The following KNL1 variants were observed in gnomAD, a reference collection of about 807,000 sequenced individuals.
The protein encoded by KNL1 is kinetochore scaffold 1, also known as outer kinetochore KNL1 complex subunit KNL1.
A neutral mutation model predicts 201.3 loss-of-function variants in KNL1; 66 were observed. That is an observed-to-expected ratio of 0.33 (90% CI 0.27 to 0.40). The LOEUF (loss-of-function observed/expected upper bound fraction) is 0.40, where lower values mean the gene tolerates loss of function less well. Among genes scored for constraint, KNL1 ranks in the 10% least tolerant of loss-of-function variants. The pLI is 1.00. For synonymous variants in KNL1, 895 were observed against 899.2 expected, an observed-to-expected ratio of 1.00 and a Z score of 0.08; for missense variants, 2,815 against 2,690.5, an observed-to-expected ratio of 1.05 and a Z score of -1.02.
At chr15:40,633,680 A>G (rs922619091) in intron 13 of KNL1, among the ~76,000 whole-genome samples, 6 of 151,962 alleles carry the variant, frequency 3.9e-5, no homozygotes, top group Non-Finnish European at 8.8e-5. Context: ...AGCTAGGATT[A>G]TATGCACAAG....
intron 9 of KNL1, among the ~76,000 whole-genome samples, chr15:40,620,438 C>G (rs1892480526): frequency 6.6e-6 from 1 of 152,194 alleles, no homozygotes; most frequent in East Asian, 1.9e-4. Context: ...GTCTCGATCT[C>G]CTGCCCTCGT....
At chr15:40,632,824 A>T (rs924138115) in intron 13 of KNL1, among the ~76,000 whole-genome samples, 1 of 152,202 alleles carries the variant, frequency 6.6e-6, no homozygotes, top group Non-Finnish European at 1.5e-5. Context: ...GTTTGAGACC[A>T]GCCTGGGCAA....
chr15:40,603,843 T>A (rs1270509269), intron 2 of KNL1, among the ~76,000 whole-genome samples: 1 of 152,248 alleles, frequency 6.6e-6, no homozygotes, highest in Non-Finnish European at 1.5e-5. Flanking sequence ...ATACCCATTT[T>A]TAATTATATG....
intron 9 of KNL1, among the ~76,000 whole-genome samples, chr15:40,619,890 C>G (rs529367215): frequency 4.6e-5 from 7 of 152,026 alleles, no homozygotes. Context: ...TTTAATTTGT[C>G]CCAAAACACT....
chr15:40,628,476 C>G, intron 11 of KNL1, 135 bp from the exon 12 acceptor site: 1 of 674,486 alleles, frequency 1.5e-6, no homozygotes, highest in East Asian at 2.7e-5. Flanking sequence ...ATATACTTTG[C>G]CCTGCTACAT....
intron 13 of KNL1, among the ~76,000 whole-genome samples, chr15:40,634,919 T>C (rs1893012021): frequency 1.3e-5 from 2 of 152,236 alleles, no homozygotes; most frequent in South Asian, 2.1e-4. Context: ...GGAACAAACC[T>C]ATCAAAATGG....
intron 2 of KNL1, among the ~76,000 whole-genome samples, 187 bp downstream of exon 2, chr15:40,603,153 A>G (rs760840561): frequency 2.1e-4 from 32 of 151,986 alleles, no homozygotes; most frequent in African/African-American, 2.4e-5. Flanking sequence ...GGTTTGTTAC[A>G]TATGTATACA....
At chr15:40,639,894 G>C (rs1893172201) in intron 13 of KNL1, among the ~76,000 whole-genome samples, 1 of 151,938 alleles carries the variant, frequency 6.6e-6, no homozygotes, top group African/African-American at 2.4e-5. Context: ...GGGCAACATA[G>C]CAAGACCCCA....
rs1595936556 is a variant in KNL1, at chr15:40,637,705, G to A, written c.5683-3207G>A. On this transcript the variant is annotated intron_variant, in intron 13 of 25. Transcript: ENST00000399668. ...GGTAGTGATACCTTTGCTTTATGAT[G>A]GTTCAATATATATAAGCTTTGTTTC... Among the ~76,000 whole-genome samples the A allele has an allele frequency of 4.6e-5, 7 of 151,920 alleles. 2 individuals carry two copies. Among genetic ancestry groups the A allele is most frequent in the Admixed American group, 4.6e-4 (7 of 15,250 alleles).
In KNL1 at chr15:40,612,345, G is replaced by A. The variant is rs139885877; in HGVS notation, c.284+834G>A. 1.7e-4 allele frequency among the ~76,000 whole-genome samples: 25 copies of A among 149,324 alleles called. 1 individual carries two copies. In the East Asian group the frequency reaches 4.9e-3, roughly 29 times the overall value. Reference sequence around the variant, plus strand: ...AAACAAAAAAAACCCCAAAAAATTAGCCAGGTATGGTGGCACTGTGCCTGT... The same window carrying A: ...AAACAAAAAAAACCCCAAAAAATTAACCAGGTATGGTGGCACTGTGCCTGT... On this transcript the variant is annotated intron_variant, in intron 7 of 25. Transcript: ENST00000399668.
intron 25 of KNL1, among the ~76,000 whole-genome samples, chr15:40,660,309 T>G (rs1893870287): frequency 6.6e-6 from 1 of 152,038 alleles, no homozygotes; most frequent in Non-Finnish European, 1.5e-5. Context: ...AAAACATGAA[T>G]CAAGAAGGAA....
intron 1 of KNL1, among the ~76,000 whole-genome samples, chr15:40,599,034 G>T (rs1189517546): frequency 1.3e-5 from 2 of 151,878 alleles, no homozygotes; most frequent in South Asian, 2.1e-4. Flanking sequence ...CAAACTCCTG[G>T]AGTCAAGCAG....
At chr15:40,594,858 G>A (rs1428934701) in intron 1 of KNL1, among the ~76,000 whole-genome samples, 1 of 152,224 alleles carries the variant, frequency 6.6e-6, no homozygotes, top group Non-Finnish European at 1.5e-5. Context: ...GGTTTAAGGT[G>A]TCTGCTCGGA....
At chr15:40,602,836 C>A in intron 1 of KNL1, 79 bp from the exon 2 acceptor site, 1 of 797,698 alleles carries the variant, frequency 1.3e-6, no homozygotes. Context: ...AAGTCACCAT[C>A]TGTACTCTTA....
intron 13 of KNL1, among the ~76,000 whole-genome samples, chr15:40,637,211 T>C (rs1471951587): frequency 1.3e-5 from 2 of 151,084 alleles, no homozygotes; most frequent in Admixed American, 6.6e-5. Context: ...ATTTTTTTAA[T>C]CTTCACTTTT....
intron 3 of KNL1, among the ~76,000 whole-genome samples, 157 bp downstream of exon 3, chr15:40,605,306 T>C (rs796970764): frequency 2.0e-5 from 3 of 152,242 alleles, no homozygotes; most frequent in African/African-American, 7.2e-5. Context: ...TATACAATTC[T>C]GTAAATATAC....
intron 15 of KNL1, among the ~76,000 whole-genome samples, chr15:40,645,359 A>G (rs1243846528): frequency 6.6e-6 from 1 of 152,222 alleles, no homozygotes; most frequent in Non-Finnish European, 1.5e-5. Flanking sequence ...TTAGACGAAG[A>G]AAAGATTTAC....
At chr15:40,617,035 G>A (rs961923595) in intron 8 of KNL1, among the ~76,000 whole-genome samples, 3 of 151,996 alleles carry the variant, frequency 2.0e-5, no homozygotes, top group East Asian at 1.9e-4. Flanking sequence ...TGCAACCTCC[G>A]CCTCCCAGGT....
intron 7 of KNL1, among the ~76,000 whole-genome samples, chr15:40,614,253 A>T (rs1319537433): frequency 6.6e-6 from 1 of 151,846 alleles, no homozygotes; most frequent in African/African-American, 2.4e-5. Context: ...GCACACCACC[A>T]CGCCCAGCCA....
Sources: gnomAD v4.1 joint callset for allele counts (sites outside exome capture counted in the v4.1 genomes callset) on GRCh38, gnomAD v4.1.1 for gene constraint, MANE v1.5 for transcripts, NCBI Gene and HGNC (gene_info 2026-07-23, HGNC 2026-07-21) for gene names.